Variants in ITIH5 observed in about 807,000 individuals in gnomAD.
ITIH5 encodes the protein inter-alpha-trypsin inhibitor heavy chain 5.
ITIH5 carries 65 observed loss-of-function variants against 77.5 expected under a neutral mutation model. The observed-to-expected ratio is 0.84, with a 90% CI of 0.69 to 1.03. ITIH5 has a LOEUF of 1.03. Among genes scored for constraint, ITIH5 ranks in the 50% least tolerant of loss-of-function variants. The pLI is 0.00. For missense variants in ITIH5, 1,208 were observed against 1,213.1 expected (o/e 1.00, Z 0.06); for synonymous variants, 525 against 494.3 (o/e 1.06, Z -0.82).
At chr10:7,602,351 G>A (rs72779148) in intron 7 of ITIH5, among the ~76,000 whole-genome samples, 2 of 152,252 alleles carry the variant, frequency 1.3e-5, no homozygotes, top group Non-Finnish European at 2.9e-5. Context: ...TATTTGGTAT[G>A]GTTTGCCTGT....
In ITIH5 at chr10:7,644,432, CAT is replaced by C. The variant is rs1018641670; in HGVS notation, c.136-2344_136-2343del. The stretch of plus-strand genomic sequence containing the variant: ...CATATATCATATATATCACATATAT[CAT>C]ATATATCACATATAGATCATATATA... On this transcript the variant is annotated intron_variant, in intron 2 of 13. Coordinates refer to ENST00000397146, the MANE Select transcript of ITIH5 (RefSeq NM_030569.7). Among the ~76,000 whole-genome samples the C allele has an allele frequency of 3.7e-4, 51 of 139,616 alleles. 1 individual carries two copies. In the Middle Eastern group the frequency reaches 0.012, roughly 33 times the overall value. 91.6% of individuals were successfully genotyped at this position (139,616 alleles called of 152,430 possible).
At chr10:7,662,078 T>G (rs1834285195) in intron 1 of ITIH5, among the ~76,000 whole-genome samples, 1 of 151,884 alleles carries the variant, frequency 6.6e-6, no homozygotes, top group South Asian at 2.1e-4. Context: ...ATATCAGGGG[T>G]GGGGTGCGGT....
intron 5 of ITIH5, among the ~76,000 whole-genome samples, chr10:7,629,621 G>A (rs11816258): frequency 0.17 from 22,037 of 132,032 alleles, 2,510 homozygotes; most frequent in Admixed American, 0.27. Context: ...ATGTTGCAGC[G>A]TGTGTCTGTG....
At chr10:7,634,358 T>A (rs1179631941) in intron 5 of ITIH5, among the ~76,000 whole-genome samples, 1 of 152,148 alleles carries the variant, frequency 6.6e-6, no homozygotes, top group Non-Finnish European at 1.5e-5. Flanking sequence ...GGCTGCCATT[T>A]TGCAGGAACA....
rs772412778 is a variant in ITIH5, at chr10:7,569,761, C to G, written c.2056G>C (p.Val686Leu). The change falls in exon 12 of 14, where the codon GTG becomes CTG. Residue 686 changes from valine (V) to leucine (L), a missense_variant. Physicochemically the swap from Val to Leu is conservative, Grantham distance 32 (BLOSUM62 1). Coordinates refer to ENST00000397146, the MANE Select transcript of ITIH5 (RefSeq NM_030569.7). ...TSVDGDPHFV[V>L]DFPLSRLTVC... ...GTGAGTCTGCTCAGGGGGAAATCCA[C>G]AACAAAGTGGGGATCACCATCCACT... is the stretch of plus-strand genomic sequence containing the variant. The G allele has an allele frequency of 1.9e-6, 3 of 1,610,034 alleles. No homozygotes were observed. The highest frequency in any genetic ancestry group is 1.7e-6 in the Non-Finnish European group (2 of 1,178,574).
chr10:7,582,618 T>C (rs1832588769), intron 8 of ITIH5, among the ~76,000 whole-genome samples: 1 of 152,150 alleles, frequency 6.6e-6, no homozygotes, highest in East Asian at 1.9e-4. Context: ...TTTTACCACA[T>C]TTGTGGTACA....
At chr10:7,624,915 A>G (rs914868683) in intron 5 of ITIH5, among the ~76,000 whole-genome samples, 1 of 136,388 alleles carries the variant, frequency 7.3e-6, no homozygotes, top group Middle Eastern at 3.8e-3. Context: ...ATATATATAT[A>G]TATATATGCA....
In ITIH5 at chr10:7,637,399, C is replaced by T. The variant is rs767141967; in HGVS notation, c.481G>A (p.Glu161Lys). Reference sequence around the variant, plus strand: ...TTGCCCAGGCGCCTCTGCAGAAGCTCCTCATAACTCAGGAAAAAGGCGGCT... The same window carrying T: ...TTGCCCAGGCGCCTCTGCAGAAGCTTCTCATAACTCAGGAAAAAGGCGGCT... ...DKAAFFLSYE[E>K]LLQRRLGKYE... Residue 161 changes from glutamate to lysine, a missense_variant, in exon 5 of 14, where the codon GAG (glutamate) becomes AAG (lysine). By Grantham distance (56) the Glu-to-Lys change is moderately conservative. Transcript: ENST00000397146. 3.7e-6 allele frequency: 6 copies of T among 1,613,954 alleles called. No individual in the cohort carries two copies. The highest frequency in any genetic ancestry group is 1.3e-5 in the African/African-American group (1 of 74,930).
At position 7,579,884 on chromosome 10, in the gene ITIH5, T is replaced by G. The variant is rs1240046975; in HGVS notation, c.1289A>C (p.Gln430Pro). ...LNNTREAARG[Q>P]VCIFTIGIGN... The stretch of plus-strand genomic sequence containing the variant: ...GATGCCAATGGTGAAGATGCAGACT[T>G]GGCCTCGGGCGGCCTCTCGGGTGTT... The change falls in exon 9 of 14, where the codon CAA (glutamine) becomes CCA (proline). Residue 430 changes from glutamine (Q) to proline (P), a missense_variant. Gln to Pro is a moderately conservative substitution (Grantham distance 76). Transcript: ENST00000397146. 6.2e-7 allele frequency: 1 copy of G among 1,614,222 alleles called. No individual in the cohort carries two copies.
In ITIH5 at chr10:7,655,564, T is replaced by A. The variant is rs774821438; in HGVS notation, c.135+67A>T. The A allele has an allele frequency of 5.2e-5, 67 of 1,300,946 alleles. 2 individuals carry two copies. The Middle Eastern group carries it at 7.8e-3, about 151-fold the overall frequency. The allele number at this position is 1,300,946 out of a possible 1,614,324, so 80.6% of individuals were successfully genotyped here. Reference sequence around the variant, plus strand: ...TTGGAGGATCTGCAAGCAAAGTGGATACCTGGTTCAAAATAAATAGAAGAA... The same window carrying A: ...TTGGAGGATCTGCAAGCAAAGTGGAAACCTGGTTCAAAATAAATAGAAGAA... On this transcript the variant is annotated intron_variant, in intron 2 of 13. Transcript: ENST00000397146.
chr10:7,657,041 C>CTTT (rs56737624), intron 1 of ITIH5, among the ~76,000 whole-genome samples: 4 of 99,860 alleles, frequency 4.0e-5, no homozygotes, highest in African/African-American at 4.3e-5. Context: ...CGCGTTCGGC[C>CTTT]TTTTTTTTTT....
intron 10 of ITIH5, among the ~76,000 whole-genome samples, chr10:7,574,282 G>C (rs1588363432): frequency 6.6e-6 from 1 of 152,274 alleles, no homozygotes; most frequent in South Asian, 2.1e-4. Flanking sequence ...AGAAATTAAA[G>C]AGTGAGATAT....
At chr10:7,663,533 G>A (rs1442930573) in intron 1 of ITIH5, among the ~76,000 whole-genome samples, 1 of 152,178 alleles carries the variant, frequency 6.6e-6, no homozygotes, top group East Asian at 1.9e-4. Flanking sequence ...TTGTCAAAAT[G>A]TGTAATTTGT....
chr10:7,600,424 T>C, intron 7 of ITIH5: 1 of 423,406 alleles, frequency 2.4e-6, no homozygotes, highest in Non-Finnish European at 4.7e-6. Context: ...CTCCTGAACA[T>C]CTCTGAGCAC....
Position 7,632,172 on chromosome 10 carries a change from G to C in ITIH5, c.652+5056C>G, listed in dbSNP as rs549556419. On this transcript the variant is annotated intron_variant, in intron 5 of 13. Transcript: ENST00000397146. ...TAGTTAATATTCCTAAGGTCTGCTG[G>C]AAAATCCAAGGGAATAGATCTCAAC... 3.3e-5 allele frequency among the ~76,000 whole-genome samples: 5 copies of C among 152,242 alleles called. No individual in the cohort carries two copies. The South Asian group carries it at 1.0e-3, about 32-fold the overall frequency.
intron 2 of ITIH5, among the ~76,000 whole-genome samples, chr10:7,643,678 C>T (rs1029961888): frequency 6.6e-6 from 1 of 152,200 alleles, no homozygotes; most frequent in Non-Finnish European, 1.5e-5. Flanking sequence ...ATGTTTATTT[C>T]AGCCCTCATC....
Position 7,559,862 on chromosome 10 carries a change from GT to G in ITIH5, c.*3220del, listed in dbSNP as rs111905334. On this transcript the variant is annotated 3_prime_UTR_variant, in exon 14 of 14. Coordinates refer to ENST00000397146, the MANE Select transcript of ITIH5 (RefSeq NM_030569.7). ...CCATGTCTTTTTTTTGTTTTGTTTT[GT>G]TTTTTTTTGACGGAGTTTGGCTCTG... The G allele has an allele frequency of 7.1e-5, 29 of 405,926 alleles. No homozygotes were observed. The highest frequency in any genetic ancestry group is 4.1e-4 in the Middle Eastern group (1 of 2,448). The allele number at this position is 405,926 out of a possible 1,614,324, so 25.1% of individuals were successfully genotyped here. A position where few individuals can be genotyped will look rare whatever the true frequency, so the allele number is the denominator to read the frequency against.
At chr10:7,647,863 G>C (rs1834031119) in intron 2 of ITIH5, among the ~76,000 whole-genome samples, 1 of 152,104 alleles carries the variant, frequency 6.6e-6, no homozygotes, top group East Asian at 1.9e-4. Flanking sequence ...GTCATTCACT[G>C]TGTGACTTTG....
chr10:7,632,523 A>T (rs1336149804), intron 5 of ITIH5, among the ~76,000 whole-genome samples: 2 of 152,208 alleles, frequency 1.3e-5, no homozygotes, highest in African/African-American at 4.8e-5. Context: ...ATACAACCAC[A>T]CCTGTCAAGT....
Sources: gnomAD v4.1 joint callset for allele counts (sites outside exome capture counted in the v4.1 genomes callset) on GRCh38, gnomAD v4.1.1 for gene constraint, MANE v1.5 for transcripts, NCBI Gene and HGNC (gene_info 2026-07-23, HGNC 2026-07-21) for gene names.